The following GALNT11 variants were observed in gnomAD, a reference collection of about 807,000 sequenced individuals.
GALNT11 encodes the protein UDP-GalNAc:polypeptide N-acetylgalactosaminyltransferase 11.
In GALNT11, 47 loss-of-function variants were observed where a neutral mutation model predicts 72.7. The observed-to-expected ratio is 0.65, with a 90% confidence interval of 0.51 to 0.82. GALNT11 has a LOEUF of 0.82. Among genes scored for constraint, GALNT11 ranks in the 40% least tolerant of loss-of-function variants. GALNT11 has a pLI of 0.00. For synonymous variants in GALNT11, 270 were observed against 286.6 expected, an observed-to-expected ratio of 0.94 and a Z score of 0.58; for missense variants, 677 against 778.4, an observed-to-expected ratio of 0.87 and a Z score of 1.55.
chr7:152,114,382 A>G (rs2088611714), intron 8 of GALNT11, among the ~76,000 whole-genome samples: 1 of 152,144 alleles, frequency 6.6e-6, no homozygotes, highest in East Asian at 1.9e-4. Context: ...TACAAATGGA[A>G]TCATAAACTA....
At position 152,108,183 on chromosome 7, in the gene GALNT11, G is replaced by C; in HGVS notation, c.858G>C (p.Ser286=). 6.2e-7 allele frequency: 1 copy of C among 1,614,148 alleles called. No homozygotes were observed. The highest frequency in any genetic ancestry group is 1.7e-4 in the Middle Eastern group (1 of 6,050). ...IISADTLAYS[S]SPVVRGGFNW... ...GCGCCGACACGCTGGCCTACAGCTC[G>C]TCCCCTGTCGTCCGCGGAGGGTTCA... Residue 286 remains serine, a synonymous_variant, in exon 6 of 12, where the codon TCG becomes TCC. Transcript: ENST00000430044.
intron 1 of GALNT11, among the ~76,000 whole-genome samples, chr7:152,057,987 A>C (rs913041725): frequency 1.3e-5 from 2 of 152,052 alleles, no homozygotes; most frequent in African/African-American, 4.8e-5. Flanking sequence ...GATGACCCTG[A>C]CAGTTTTGAG....
intron 2 of GALNT11, among the ~76,000 whole-genome samples, chr7:152,099,750 G>C (rs1388044754): frequency 7.4e-6 from 1 of 135,100 alleles, no homozygotes; most frequent in African/African-American, 2.8e-5. Flanking sequence ...ACCAGAAACT[G>C]TGAAGCTTTT....
At chr7:152,059,418 G>A (rs183831568) in intron 1 of GALNT11, among the ~76,000 whole-genome samples, 64 of 152,174 alleles carry the variant, frequency 4.2e-4, no homozygotes, top group Admixed American at 4.1e-3. Context: ...GTTCTTAATG[G>A]CATCTAGAAT....
chr7:152,053,112 AT>A (rs1029761251), intron 1 of GALNT11, among the ~76,000 whole-genome samples: 4 of 151,778 alleles, frequency 2.6e-5, no homozygotes, highest in African/African-American at 7.3e-5. Context: ...TTGGTTCTAG[AT>A]TTTTTTTCCC....
intron 1 of GALNT11, among the ~76,000 whole-genome samples, chr7:152,080,692 T>G (rs2085267958): frequency 6.6e-6 from 1 of 152,186 alleles, no homozygotes. Flanking sequence ...CCAGGTACAG[T>G]GGCTCACGCC....
chr7:152,086,314 C>T (rs1408392235), intron 1 of GALNT11, among the ~76,000 whole-genome samples: 4 of 152,130 alleles, frequency 2.6e-5, no homozygotes, highest in African/African-American at 4.8e-5. Context: ...CGAGAGCCAC[C>T]GCGCCCAGCC....
At chr7:152,047,926 A>G (rs1391515154) in intron 1 of GALNT11, among the ~76,000 whole-genome samples, 2 of 151,982 alleles carry the variant, frequency 1.3e-5, no homozygotes, top group African/African-American at 4.8e-5. Context: ...TACTCAAGAC[A>G]TGTATGGCTC....
At chr7:152,035,786 G>A (rs2082544810) in intron 1 of GALNT11, among the ~76,000 whole-genome samples, 1 of 152,206 alleles carries the variant, frequency 6.6e-6, no homozygotes, top group Non-Finnish European at 1.5e-5. Context: ...AAACAGGACA[G>A]AATAGCAAGT....
intron 1 of GALNT11, among the ~76,000 whole-genome samples, chr7:152,046,119 AT>A (rs1443158164): frequency 6.6e-6 from 1 of 152,006 alleles, no homozygotes; most frequent in East Asian, 1.9e-4. Flanking sequence ...CTTGTAATTG[AT>A]TCTAGTTTTA....
intron 1 of GALNT11, among the ~76,000 whole-genome samples, chr7:152,041,431 C>T (rs1050433066): frequency 2.0e-5 from 3 of 152,182 alleles, no homozygotes; most frequent in Non-Finnish European, 2.9e-5. Context: ...TGTAATTTAA[C>T]AATCCGAGTT....
At chr7:152,062,122 C>T (rs1587087932) in intron 1 of GALNT11, among the ~76,000 whole-genome samples, 1 of 152,276 alleles carries the variant, frequency 6.6e-6, no homozygotes, top group Middle Eastern at 3.4e-3. Flanking sequence ...AATGTTCTTC[C>T]ATTTGTTTGT....
intron 1 of GALNT11, among the ~76,000 whole-genome samples, chr7:152,058,219 A>C (rs2083795951): frequency 6.6e-6 from 1 of 152,188 alleles, no homozygotes; most frequent in Non-Finnish European, 1.5e-5. Context: ...CAAAAATGCT[A>C]ATGATCATCT....
In GALNT11 at chr7:152,033,831, C is replaced by T. The variant is rs570798913; in HGVS notation, c.-39+7947C>T. On this transcript the variant is annotated intron_variant, in intron 1 of 11. Coordinates refer to ENST00000430044, the MANE Select transcript of GALNT11 (RefSeq NM_022087.4). The stretch of plus-strand genomic sequence containing the variant: ...GGAATTTGTCCCTTTCTTCAGCTGT[C>T]ATTCTGCCATTTACTTGACTAAGGT... Among the ~76,000 whole-genome samples, 6 of 152,314 alleles carry T rather than the reference C, an allele frequency of 3.9e-5. No individual in the cohort carries two copies. The South Asian group carries it at 1.2e-3, about 32-fold the overall frequency.
At chr7:152,119,166 A>T in intron 10 of GALNT11, 1 of 154,722 alleles carries the variant, frequency 6.5e-6, no homozygotes, top group East Asian at 1.9e-4. Flanking sequence ...ATTATGCGGA[A>T]TAAATTGTGA....
At chr7:152,028,140 G>A (rs2082123094) in intron 1 of GALNT11, among the ~76,000 whole-genome samples, 1 of 152,210 alleles carries the variant, frequency 6.6e-6, no homozygotes, top group Admixed American at 6.5e-5. Flanking sequence ...AAAGAGCAAA[G>A]CTTCCACAGC....
chr7:152,039,383 CAT>C (rs1563041964), intron 1 of GALNT11, among the ~76,000 whole-genome samples: 1 of 152,220 alleles, frequency 6.6e-6, no homozygotes, highest in Admixed American at 6.5e-5. Context: ...GTAACTGTGT[CAT>C]AGAGTGATTG....
chr7:152,064,600 C>T (rs1392439819), intron 1 of GALNT11, among the ~76,000 whole-genome samples: 2 of 152,130 alleles, frequency 1.3e-5, no homozygotes, highest in East Asian at 3.8e-4. Context: ...ACCGGTTGTT[C>T]CTCTCCATCT....
intron 1 of GALNT11, among the ~76,000 whole-genome samples, chr7:152,026,195 T>TA (rs2082005380): frequency 6.6e-6 from 1 of 152,174 alleles, no homozygotes; most frequent in Non-Finnish European, 1.5e-5. Context: ...CAGCATTTCC[T>TA]AAAATGAAGT....
Sources: gnomAD v4.1 joint callset for allele counts (sites outside exome capture counted in the v4.1 genomes callset) on GRCh38, gnomAD v4.1.1 for gene constraint, MANE v1.5 for transcripts, NCBI Gene and HGNC (gene_info 2026-07-23, HGNC 2026-07-21) for gene names.